KATNIP: variants seen among roughly 807,000 people sequenced by gnomAD.
KATNIP encodes katanin interacting protein, also known as katanin-interacting protein.
A neutral mutation model predicts 174.0 loss-of-function variants in KATNIP; 126 were observed. That is an observed-to-expected ratio of 0.72 (90% confidence interval 0.63 to 0.84). The LOEUF is 0.84. Ranked by LOEUF, KATNIP falls within the 40% of genes least tolerant of loss-of-function variation. The pLI, the probability that KATNIP is intolerant of heterozygous loss-of-function variation, is 0.00. For synonymous variants in KATNIP, 810 were observed against 835.7 expected (o/e 0.97, Z 0.53); for missense variants, 1,958 against 2,109.7 (o/e 0.93, Z 1.41).
intron 13 of KATNIP, among the ~76,000 whole-genome samples, chr16:27,713,932 C>G (rs2079806746): frequency 6.8e-6 from 1 of 146,354 alleles, no homozygotes; most frequent in Non-Finnish European, 1.5e-5. Context: ...AAATAAAGCC[C>G]TGGTGTTTCC....
At chr16:27,601,817 G>A (rs143558115) in intron 2 of KATNIP, among the ~76,000 whole-genome samples, 2 of 152,316 alleles carry the variant, frequency 1.3e-5, no homozygotes, top group Non-Finnish European at 2.9e-5. Flanking sequence ...CAGGGGGCCG[G>A]CAGCAGCCCT....
chr16:27,750,211 A>G lies in KATNIP; in HGVS notation c.3251A>G (p.His1084Arg), dbSNP rs2082381626. ...TGGAACTACAATAAATCTCGGATAC[A>G]TTCCTTCCGAGGCGTGAAGGACATC... ...RIWNYNKSRI[H>R]SFRGVKDITM... is the part of the protein sequence containing the mutation. Residue 1084 changes from histidine (H) to arginine (R), a missense_variant, in exon 16 of 28, where the codon CAT (histidine) becomes CGT (arginine). Transcript: ENST00000261588. 5 of 1,614,054 alleles carry G rather than the reference A, an allele frequency of 3.1e-6. No individual in the cohort carries two copies. The highest frequency in any genetic ancestry group is 4.2e-6 in the Non-Finnish European group (5 of 1,180,022).
Position 27,606,803 on chromosome 16 carries a change from C to A in KATNIP, c.64-11622C>A, listed in dbSNP as rs200348618. 2.6e-4 allele frequency among the ~76,000 whole-genome samples: 39 copies of A among 151,866 alleles called. No individual in the cohort carries two copies. The East Asian group carries it at 7.4e-3, about 29-fold the overall frequency. On this transcript the variant is annotated intron_variant, in intron 2 of 27. Transcript: ENST00000261588. ...CTGGTCTCGATCTCCTGGGCTCAAG[C>A]GATCCTCCCACCTCAGCCTCCGGAA... is the stretch of plus-strand genomic sequence containing the variant.
intron 6 of KATNIP, among the ~76,000 whole-genome samples, chr16:27,665,725 C>T (rs1387372585): frequency 5.3e-4 from 80 of 151,728 alleles, no homozygotes; most frequent in Admixed American, 5.2e-3. Flanking sequence ...CTCGGCCTCC[C>T]AAGTAGCTGG....
chr16:27,645,129 G>T (rs1017338106), intron 5 of KATNIP, among the ~76,000 whole-genome samples: 2 of 152,216 alleles, frequency 1.3e-5, no homozygotes, highest in Non-Finnish European at 2.9e-5. Context: ...CAGAGGACAT[G>T]GTTGGCTGGC....
intron 14 of KATNIP, among the ~76,000 whole-genome samples, chr16:27,725,126 C>T (rs1439742351): frequency 6.6e-6 from 1 of 152,218 alleles, no homozygotes; most frequent in Admixed American, 6.5e-5. Context: ...CTACTTGTGA[C>T]AGCTGCCATT....
chr16:27,750,416 TTTC>T, intron 16 of KATNIP, 110 bp downstream of exon 16: 5 of 1,095,158 alleles, frequency 4.6e-6, no homozygotes, highest in South Asian at 3.3e-5. Context: ...GTCCTTTCTC[TTTC>T]TTTTTTTTTT....
Position 27,774,977 on chromosome 16 carries a change from C to G in KATNIP, c.4342C>G (p.Leu1448Val). The G allele has an allele frequency of 1.2e-6, 2 of 1,613,994 alleles. No individual in the cohort carries two copies. Among genetic ancestry groups the G allele is most frequent in the Non-Finnish European group, 1.7e-6 (2 of 1,179,966 alleles). Reference protein sequence around the residue: ...IAAFPDSVNSLEGVGGDVRTP... With the variant: ...IAAFPDSVNSVEGVGGDVRTP... ...GGCCTTCCCCGACAGCGTGAACTCC[C>G]TGGAGGGTGTGGGCGGGGACGTCCG... The change falls in exon 24 of 28, where the codon CTG becomes GTG. Residue 1448 changes from leucine to valine, a missense_variant. This residue lies in a region of KATNIP where 383 missense variants were observed against 456.0 expected (regional missense o/e 0.84). Coordinates refer to ENST00000261588, the MANE Select transcript of KATNIP (RefSeq NM_015202.5).
chr16:27,575,770 C>T (rs1292320573), intron 2 of KATNIP, among the ~76,000 whole-genome samples: 1 of 152,156 alleles, frequency 6.6e-6, no homozygotes, highest in Non-Finnish European at 1.5e-5. Context: ...TTTTCTTTTT[C>T]TTTCAATCAG....
intron 2 of KATNIP, among the ~76,000 whole-genome samples, chr16:27,600,319 C>T (rs773556376): frequency 6.6e-5 from 10 of 152,196 alleles, no homozygotes; most frequent in Non-Finnish European, 1.5e-4. Flanking sequence ...TCTCACATGG[C>T]AAAATCTTGA....
At chr16:27,766,569 C>A in intron 20 of KATNIP, 95 bp downstream of exon 20, 1 of 1,339,272 alleles carries the variant, frequency 7.5e-7, no homozygotes, top group Non-Finnish European at 1.0e-6. Flanking sequence ...AGCATAAATC[C>A]TCCAGAATTT....
At chr16:27,765,029 A>G (rs536764018) in intron 19 of KATNIP, among the ~76,000 whole-genome samples, 13 of 152,224 alleles carry the variant, frequency 8.5e-5, no homozygotes, top group Non-Finnish European at 1.8e-4. Context: ...GGAAACAAAA[A>G]GTTTCTTTTC....
intron 5 of KATNIP, among the ~76,000 whole-genome samples, chr16:27,641,063 G>A (rs748888525): frequency 6.6e-6 from 1 of 151,886 alleles, no homozygotes. Flanking sequence ...GCCTGAACGC[G>A]GGAGGCAGAG....
At chr16:27,667,709 A>C (rs2077733614) in intron 6 of KATNIP, among the ~76,000 whole-genome samples, 1 of 152,224 alleles carries the variant, frequency 6.6e-6, no homozygotes, top group African/African-American at 2.4e-5. Flanking sequence ...AGCTTCTAAT[A>C]GGCAGATTCA....
At chr16:27,672,405 C>T (rs914130725) in intron 6 of KATNIP, among the ~76,000 whole-genome samples, 1 of 152,318 alleles carries the variant, frequency 6.6e-6, no homozygotes, top group Non-Finnish European at 1.5e-5. Flanking sequence ...CTTCACAGTC[C>T]TGGCCACCTC....
At chr16:27,739,937 G>A in intron 14 of KATNIP, 104 bp from the exon 15 acceptor site, 1 of 1,282,724 alleles carries the variant, frequency 7.8e-7, no homozygotes, top group Non-Finnish European at 1.1e-6. Flanking sequence ...TGCATTTCTA[G>A]CATTTCACAT....
At chr16:27,642,705 T>C (rs2076837103) in intron 5 of KATNIP, among the ~76,000 whole-genome samples, 1 of 152,052 alleles carries the variant, frequency 6.6e-6, no homozygotes, top group Admixed American at 6.5e-5. Flanking sequence ...AGGGAAGTTC[T>C]CTAATCCCAG....
intron 6 of KATNIP, among the ~76,000 whole-genome samples, chr16:27,672,061 A>G (rs1257150932): frequency 2.6e-5 from 4 of 152,150 alleles, no homozygotes; most frequent in African/African-American, 9.7e-5. Context: ...CGTCTCAAAA[A>G]AATAAATTAA....
intron 2 of KATNIP, among the ~76,000 whole-genome samples, chr16:27,602,155 G>T (rs2075548987): frequency 6.6e-6 from 1 of 152,132 alleles, no homozygotes; most frequent in Non-Finnish European, 1.5e-5. Flanking sequence ...GCCCCCTCCT[G>T]GGCTGTCCTC....
Sources: gnomAD v4.1 joint callset for allele counts (sites outside exome capture counted in the v4.1 genomes callset) on GRCh38, gnomAD v4.1.1 for gene constraint, gnomAD v4.1.1 regional missense constraint, MANE v1.5 for transcripts, NCBI Gene and HGNC (gene_info 2026-07-23, HGNC 2026-07-21) for gene names.